TMCO5A: variants seen among roughly 807,000 people sequenced by gnomAD.
The protein encoded by TMCO5A is transmembrane and coiled-coil domains 5A, also known as transmembrane and coiled-coil domain-containing protein 5A.
In TMCO5A, 34 loss-of-function variants were observed where a neutral mutation model predicts 42.3. The ratio of observed to expected loss-of-function variants is 0.80; its 90% CI spans 0.61 to 1.07. The LOEUF (loss-of-function observed/expected upper bound fraction) is 1.07, where lower values mean the gene tolerates loss of function less well. Among genes scored for constraint, TMCO5A ranks in the 50% least tolerant of loss-of-function variants. The pLI, the probability that TMCO5A is intolerant of heterozygous loss-of-function variation, is 0.00. For missense variants in TMCO5A, 357 were observed against 327.9 expected, an observed-to-expected ratio of 1.09 and a Z score of -0.69; for synonymous variants, 131 against 115.6, an observed-to-expected ratio of 1.13 and a Z score of -0.86.
At chr15:37,981,393 C>T in the TMCO5A span, among the ~76,000 whole-genome samples, 2 of 152,086 alleles carry the variant, frequency 1.3e-5, no homozygotes, top group Non-Finnish European at 2.9e-5. Flanking sequence ...ACAGCTGCCA[C>T]TTTATGTGCT....
At chr15:37,996,365 A>C in the TMCO5A span, among the ~76,000 whole-genome samples, 1 of 152,206 alleles carries the variant, frequency 6.6e-6, no homozygotes, top group Non-Finnish European at 1.5e-5. Context: ...TCACTGAATG[A>C]AAGAAGTGGA....
intron 11 of TMCO5A, among the ~76,000 whole-genome samples, chr15:37,958,491 G>A (rs1352641879): frequency 6.6e-6 from 1 of 152,112 alleles, no homozygotes; most frequent in Non-Finnish European, 1.5e-5. Flanking sequence ...ATGAAAAAAA[G>A]CTAATCATCA....
chr15:38,030,306 A>G, the TMCO5A span, among the ~76,000 whole-genome samples: 2 of 152,296 alleles, frequency 1.3e-5, no homozygotes, highest in South Asian at 2.1e-4. Context: ...TCCAGAACTC[A>G]AGAAGATTAA....
At chr15:38,012,822 T>C in the TMCO5A span, among the ~76,000 whole-genome samples, 8 of 152,062 alleles carry the variant, frequency 5.3e-5, no homozygotes, top group Non-Finnish European at 7.4e-5. Flanking sequence ...ACACAGTAAT[T>C]TGAAGAGGAA....
chr15:38,004,332 A>C, the TMCO5A span, among the ~76,000 whole-genome samples: 2 of 151,946 alleles, frequency 1.3e-5, no homozygotes, highest in Non-Finnish European at 2.9e-5. Context: ...AAGCAGAAGG[A>C]AGAAGTTTCT....
At chr15:37,956,311 G>GT (rs1025236837), downstream of TMCO5A, among the ~76,000 whole-genome samples, 1 of 152,100 alleles carries the variant, frequency 6.6e-6, no homozygotes, top group African/African-American at 2.4e-5. Flanking sequence ...CCAGGAGGTG[G>GT]TTTTTTGAAA....
the TMCO5A span, among the ~76,000 whole-genome samples, chr15:38,039,509 G>A: frequency 6.6e-6 from 1 of 152,142 alleles, no homozygotes; most frequent in Admixed American, 6.5e-5. Flanking sequence ...TTTTGGAACA[G>A]GATTTGTAGA....
At chr15:38,019,434 C>T in the TMCO5A span, among the ~76,000 whole-genome samples, 61 of 152,200 alleles carry the variant, frequency 4.0e-4, no homozygotes, top group African/African-American at 1.4e-3. Flanking sequence ...GTCAGTTTAT[C>T]AGAAGTTTCA....
At chr15:38,031,109 G>A in the TMCO5A span, among the ~76,000 whole-genome samples, 1 of 152,128 alleles carries the variant, frequency 6.6e-6, no homozygotes, top group African/African-American at 2.4e-5. Flanking sequence ...CCAGGCTTTA[G>A]AAATGAAGTC....
the TMCO5A span, among the ~76,000 whole-genome samples, chr15:38,020,852 TAAGA>T: frequency 6.6e-6 from 1 of 152,116 alleles, no homozygotes. Flanking sequence ...CTTTTTGGTT[TAAGA>T]GAAATAAAAT....
the TMCO5A span, among the ~76,000 whole-genome samples, chr15:38,033,091 C>G: frequency 6.6e-6 from 1 of 152,054 alleles, no homozygotes; most frequent in Admixed American, 6.5e-5. Context: ...CCTCGCCCGG[C>G]TAATTTTTTT....
chr15:37,957,184 A>G (rs1156429527), intron 11 of TMCO5A, among the ~76,000 whole-genome samples: 4 of 152,192 alleles, frequency 2.6e-5, no homozygotes, highest in Admixed American at 2.6e-4. Flanking sequence ...CCGGCACAAG[A>G]CAAGGCTGCC....
chr15:37,989,672 G>A, the TMCO5A span, among the ~76,000 whole-genome samples: 2 of 152,042 alleles, frequency 1.3e-5, no homozygotes, highest in South Asian at 2.1e-4. Context: ...TAATACATTT[G>A]TGCTGCTATA....
At chr15:37,960,113 C>A (rs150690311) in intron 11 of TMCO5A, among the ~76,000 whole-genome samples, 343 of 151,996 alleles carry the variant, frequency 2.3e-3, no homozygotes, top group Non-Finnish European at 3.6e-3. Context: ...ATCACCCCAG[C>A]AGTATACACT....
At chr15:37,987,543 G>A in the TMCO5A span, among the ~76,000 whole-genome samples, 4 of 151,872 alleles carry the variant, frequency 2.6e-5, no homozygotes, top group South Asian at 2.1e-4. Flanking sequence ...TTTTGCATAC[G>A]ATGTTATGTA....
chr15:38,017,509 C>A, the TMCO5A span, among the ~76,000 whole-genome samples: 1 of 151,850 alleles, frequency 6.6e-6, no homozygotes, highest in Non-Finnish European at 1.5e-5. Context: ...AAATTTAGAT[C>A]GGTATAATGG....
At chr15:37,937,246 A>T in intron 4 of TMCO5A, 100 bp from the exon 5 acceptor site, 2 of 1,348,090 alleles carry the variant, frequency 1.5e-6, no homozygotes, top group Admixed American at 1.7e-5. Flanking sequence ...AGGTCAAGTT[A>T]CTGCAGGAAA....
chr15:37,941,739 T>G lies in TMCO5A; in HGVS notation c.504+9T>G, dbSNP rs556809016. On this transcript the variant is annotated intron_variant, in intron 8 of 11. Transcript: ENST00000319669. ...AAGCCCTCTACATAAAGGTAGAGCT[T>G]CTTGGTAAAGGGATAGCAAAGGGTT... 8.1e-6 allele frequency: 13 copies of G among 1,606,598 alleles called. No homozygotes were observed. Among genetic ancestry groups the G allele is most frequent in the African/African-American group, 2.7e-5 (2 of 74,824 alleles).
chr15:37,953,292 G>T (rs1201374918), downstream of TMCO5A, among the ~76,000 whole-genome samples: 2 of 152,118 alleles, frequency 1.3e-5, no homozygotes, highest in Admixed American at 6.5e-5. Context: ...AGGTCTAACG[G>T]TTCAGCACAG....
Sources: gnomAD v4.1 joint callset for allele counts (sites outside exome capture counted in the v4.1 genomes callset) on GRCh38, gnomAD v4.1.1 for gene constraint, MANE v1.5 for transcripts, NCBI Gene and HGNC (gene_info 2026-07-23, HGNC 2026-07-21) for gene names.